DNAJB5: variants seen among roughly 807,000 people sequenced by gnomAD.
DNAJB5 encodes the protein dnaJ homolog subfamily B member 5.
Under a neutral mutation model 32.6 loss-of-function variants are expected in DNAJB5, and 12 were observed. That is an observed-to-expected ratio of 0.37 (90% CI 0.24 to 0.60). DNAJB5 has a LOEUF of 0.60. Ranked by LOEUF, DNAJB5 falls within the 20% of genes least tolerant of loss-of-function variation. The pLI, the probability that DNAJB5 is intolerant of heterozygous loss-of-function variation, is 0.71. For missense variants in DNAJB5, 358 were observed against 554.2 expected (o/e 0.65, Z 3.55); for synonymous variants, 188 against 212.9 (o/e 0.88, Z 1.02).
At chr9:34,991,658 G>A (rs1363434389) in intron 2 of DNAJB5, 3 of 89,178 alleles carry the variant, frequency 3.4e-5, no homozygotes, top group South Asian at 6.6e-5. Flanking sequence ...TGCCATTTCC[G>A]AAAACGGTTG....
At chr9:34,991,587 G>C in intron 2 of DNAJB5, 1 of 331,272 alleles carries the variant, frequency 3.0e-6, no homozygotes, top group Non-Finnish European at 6.2e-6. Flanking sequence ...GGGAAAGAAG[G>C]TGTGGGTTGA....
rs758155863 is a variant in DNAJB5 at position 34,997,445 on chromosome 9, G to A, written c.*186G>A. On this transcript the variant is annotated 3_prime_UTR_variant, in exon 5 of 5. Transcript: ENST00000682809. This position sits in a 1 kb window ranked among gnomAD's most constrained non-coding sequence, Gnocchi z 4.1. ...TTTAGAGCTGGGCTGCCTGGGGGGA[G>A]TGGGAGGGAGGTGGGGAGAGCTAGC... 4.1e-6 allele frequency: 3 copies of A among 734,778 alleles called. No individual in the cohort carries two copies. The South Asian group carries it at 4.4e-5, about 11-fold the overall frequency. 45.5% of individuals were successfully genotyped at this position (734,778 alleles called of 1,614,324 possible).
rs916909920 is a variant in DNAJB5 at position 34,992,825 on chromosome 9, A to G, written c.183-375A>G. 9 of 1,061,704 alleles carry G rather than the reference A, an allele frequency of 8.5e-6. No homozygotes were observed. In the African/African-American group the frequency reaches 1.3e-4, roughly 16 times the overall value. 65.8% of individuals were successfully genotyped at this position (1,061,704 alleles called of 1,614,324 possible). On this transcript the variant is annotated intron_variant, in intron 2 of 4. Transcript: ENST00000682809. ...ATGCTCAGGTGACCTCACCCGTTAC[A>G]CTGACCTTCGCCAGCTCCTGTGTGT...
intron 2 of DNAJB5, chr9:34,992,254 G>A (rs1049373934): frequency 2.0e-5 from 3 of 152,290 alleles, no homozygotes; most frequent in African/African-American, 7.2e-5. Context: ...AAGGGACTCA[G>A]AGGAATATGG....
At chr9:34,991,216 T>G in intron 2 of DNAJB5, 1 of 430,280 alleles carries the variant, frequency 2.3e-6, no homozygotes, top group Non-Finnish European at 4.7e-6. Context: ...TTCCTGCCTC[T>G]ACCTTAACAT....
chr9:34,990,524 G>A lies in DNAJB5; in HGVS notation c.-107G>A. ...GTCCGGCACCTGCTGCGCCAGACAG[G>A]CCTTGCTGGGCACGCGCCTCTGAGA... On this transcript the variant is annotated 5_prime_UTR_variant, in exon 2 of 5. Coordinates refer to ENST00000682809, the MANE Select transcript of DNAJB5 (RefSeq NM_001349723.3). The surrounding 1 kb of genome is among the most constrained non-coding windows in gnomAD (Gnocchi z 4.5). 6.5e-7 allele frequency: 1 copy of A among 1,544,036 alleles called. No individual in the cohort carries two copies. Among genetic ancestry groups the A allele is most frequent in the Non-Finnish European group, 8.7e-7 (1 of 1,146,714 alleles).
At chr9:34,992,834 C>T (rs945691104) in intron 2 of DNAJB5, 24 of 1,068,588 alleles carry the variant, frequency 2.2e-5, no homozygotes, top group Middle Eastern at 4.5e-4. Context: ...CACTGACCTT[C>T]GCCAGCTCCT....
intron 2 of DNAJB5, chr9:34,991,666 T>TTGCCCCCC (rs1827638963): frequency 1.2e-5 from 1 of 85,496 alleles, no homozygotes; most frequent in Admixed American, 2.4e-4. Context: ...CCGAAAACGG[T>TTGCCCCCC]TGCCCCCCCC....
In DNAJB5 at chr9:34,998,024, T is replaced by C. The variant is rs950845907; in HGVS notation, c.*765T>C. The C allele has an allele frequency of 1.3e-5, 2 of 152,974 alleles. No homozygotes were observed. The highest frequency in any genetic ancestry group is 4.8e-5 in the African/African-American group (2 of 41,398). 9.5% of individuals were successfully genotyped at this position (152,974 alleles called of 1,614,324 possible). On this transcript the variant is annotated 3_prime_UTR_variant, in exon 5 of 5. Coordinates refer to ENST00000682809, the MANE Select transcript of DNAJB5 (RefSeq NM_001349723.3). Reference sequence around the variant, plus strand: ...GCTAAGAGGTGGGGGACAGGGCCCATCTACCAGCCTTCATCAGGAAGGGAA... The same window carrying C: ...GCTAAGAGGTGGGGGACAGGGCCCACCTACCAGCCTTCATCAGGAAGGGAA...
In DNAJB5 at chr9:34,990,447, A is replaced by G; in HGVS notation, c.-132-52A>G. The G allele has an allele frequency of 1.3e-6, 2 of 1,534,254 alleles. No individual in the cohort carries two copies. Among genetic ancestry groups the G allele is most frequent in the Non-Finnish European group, 1.7e-6 (2 of 1,146,032 alleles). On this transcript the variant is annotated intron_variant, in intron 1 of 4. Transcript: ENST00000682809. This position sits in a 1 kb window ranked among gnomAD's most constrained non-coding sequence, Gnocchi z 4.5. The stretch of plus-strand genomic sequence containing the variant: ...AGCCAGCCAGACACTGCTGCACCTG[A>G]GAGCAGGTGGCCGCGGGTCTTCTCC...
At position 34,993,231 on chromosome 9, in the gene DNAJB5, G is replaced by T. The variant is rs746796425; in HGVS notation, c.214G>T (p.Val72Leu). The T allele has an allele frequency of 6.2e-7, 1 of 1,613,852 alleles. No homozygotes were observed. Among genetic ancestry groups the T allele is most frequent in the African/African-American group, 1.3e-5 (1 of 74,890 alleles). The change falls in exon 3 of 5, where the codon GTG (valine) becomes TTG (leucine). Residue 72 changes from valine (V) to leucine (L), a missense_variant. This residue lies in a region of DNAJB5 where 110 missense variants were observed against 111.7 expected (regional missense o/e 0.99). Coordinates refer to ENST00000682809, the MANE Select transcript of DNAJB5 (RefSeq NM_001349723.3). This position sits in a 1 kb window ranked among gnomAD's most constrained non-coding sequence, Gnocchi z 4.7. ...NKETSAGPVA[V>L]MGKDYYKILG... is the part of the protein sequence containing the mutation. ...GGAGACCAGTGCTGGTCCAGTGGCT[G>T]TGATGGGAAAAGATTATTACAAGAT...
At position 34,990,141 on chromosome 9, in the gene DNAJB5, C is replaced by A. The variant is rs571480449; in HGVS notation, c.-133+310C>A. 2.6e-6 allele frequency: 2 copies of A among 758,686 alleles called. No individual in the cohort carries two copies. Among genetic ancestry groups the A allele is most frequent in the African/African-American group, 3.6e-5 (2 of 56,304 alleles). 47.0% of individuals were successfully genotyped at this position (758,686 alleles called of 1,614,324 possible). A position where few individuals can be genotyped will look rare whatever the true frequency, so the allele number is the denominator to read the frequency against. ...AGCGCGGGTGACATCACCGACCACC[C>A]TCCCCCGCCCGAGCCCCCTCCCCTC... On this transcript the variant is annotated intron_variant, in intron 1 of 4. Transcript: ENST00000682809. This position sits in a 1 kb window ranked among gnomAD's most constrained non-coding sequence, Gnocchi z 4.5.
chr9:34,990,028 G>A lies in DNAJB5; in HGVS notation c.-133+197G>A, dbSNP rs1478472347. ...ACAGGGGGCAGCCAGCGTCTGAGTCGGGGAGGGGAGGGGAGGGGAGGGTCG... is the reference window on the plus strand; with the variant it reads ...ACAGGGGGCAGCCAGCGTCTGAGTCAGGGAGGGGAGGGGAGGGGAGGGTCG... On this transcript the variant is annotated intron_variant, in intron 1 of 4. Coordinates refer to ENST00000682809, the MANE Select transcript of DNAJB5 (RefSeq NM_001349723.3). The surrounding 1 kb of genome is among the most constrained non-coding windows in gnomAD (Gnocchi z 4.5). Among the ~76,000 whole-genome samples, 3 of 151,722 alleles carry A rather than the reference G, an allele frequency of 2.0e-5. No individual in the cohort carries two copies. The highest frequency in any genetic ancestry group is 6.6e-5 in the Admixed American group (1 of 15,246).
chr9:34,991,178 C>G (rs144529556), intron 2 of DNAJB5: 4 of 417,742 alleles, frequency 9.6e-6, no homozygotes, highest in Admixed American at 2.8e-5. Context: ...CTCAACAGTC[C>G]CCCTCGCCAT....
In DNAJB5 at chr9:34,993,255, A is replaced by G. The variant is rs1176733991; in HGVS notation, c.238A>G (p.Ile80Val). 1.2e-6 allele frequency: 2 copies of G among 1,614,140 alleles called. No homozygotes were observed. Residue 80 changes from isoleucine to valine, a missense_variant, in exon 3 of 5, where the codon ATT (isoleucine) becomes GTT (valine). Physicochemically the swap from Ile to Val is conservative, Grantham distance 29. Coordinates refer to ENST00000682809, the MANE Select transcript of DNAJB5 (RefSeq NM_001349723.3). This position sits in a 1 kb window ranked among gnomAD's most constrained non-coding sequence, Gnocchi z 4.7. Reference protein sequence around the residue: ...VAVMGKDYYKILGIPSGANED... With the variant: ...VAVMGKDYYKVLGIPSGANED... The stretch of plus-strand genomic sequence containing the variant: ...TGTGATGGGAAAAGATTATTACAAG[A>G]TTCTTGGGATCCCATCGGGGGCCAA...
Position 34,990,825 on chromosome 9 carries a change from G to C in DNAJB5, c.182+13G>C, listed in dbSNP as rs753370938. ...TTGTAAAGTTTCGGTAAGTCCCTCC[G>C]GAGAAGGGCACTCACACCCATACCC... is the stretch of plus-strand genomic sequence containing the variant. On this transcript the variant is annotated intron_variant, in intron 2 of 4. Transcript: ENST00000682809. The surrounding 1 kb of genome is among the most constrained non-coding windows in gnomAD (Gnocchi z 4.5). 1 of 1,544,312 alleles carries C rather than the reference G, an allele frequency of 6.5e-7. No individual in the cohort carries two copies. The highest frequency in any genetic ancestry group is 1.2e-5 in the South Asian group (1 of 82,628).
Position 34,996,153 on chromosome 9 carries a change from A to G in DNAJB5, c.428-112A>G. 1.4e-6 allele frequency: 2 copies of G among 1,412,954 alleles called. No individual in the cohort carries two copies. The highest frequency in any genetic ancestry group is 9.4e-7 in the Non-Finnish European group (1 of 1,060,962). The allele number at this position is 1,412,954 out of a possible 1,614,324, so 87.5% of individuals were successfully genotyped here. ...TAGCCTGGCCCTCTCTGTGGGATTTAAAGGTTGCTTCTTTCTTTAAGCCTG... is the reference window on the plus strand; with the variant it reads ...TAGCCTGGCCCTCTCTGTGGGATTTGAAGGTTGCTTCTTTCTTTAAGCCTG... On this transcript the variant is annotated intron_variant, in intron 3 of 4. Coordinates refer to ENST00000682809, the MANE Select transcript of DNAJB5 (RefSeq NM_001349723.3). This position sits in a 1 kb window ranked among gnomAD's most constrained non-coding sequence, Gnocchi z 7.2.
At position 34,993,322 on chromosome 9, in the gene DNAJB5, A is replaced by AGT. The variant is rs1827706014; in HGVS notation, c.306_307dup (p.Tyr103CysfsTer26). On this transcript the variant is annotated frameshift_variant, in exon 3 of 5. Coordinates refer to ENST00000682809, the MANE Select transcript of DNAJB5 (RefSeq NM_001349723.3). LOFTEE classifies it high-confidence loss of function. This position sits in a 1 kb window ranked among gnomAD's most constrained non-coding sequence, Gnocchi z 4.7. ...AAAGCCTACCGGAAGATGGCCTTGA[A>AGT]GTACCACCCAGACAAGAATAAAGAA... is the stretch of plus-strand genomic sequence containing the variant. The AGT allele has an allele frequency of 6.2e-7, 1 of 1,614,062 alleles. No individual in the cohort carries two copies. Among genetic ancestry groups the AGT allele is most frequent in the Admixed American group, 1.7e-5 (1 of 60,006 alleles).
At chr9:34,991,205 C>T (rs1255836052) in intron 2 of DNAJB5, 18 of 414,160 alleles carry the variant, frequency 4.3e-5, no homozygotes, top group South Asian at 2.7e-4. Flanking sequence ...CCCATTTTTC[C>T]TTCCTGCCTC....
Sources: allele counts gnomAD v4.1 joint callset (sites outside exome capture counted in the v4.1 genomes callset), GRCh38; gene constraint gnomAD v4.1.1; regional missense constraint gnomAD v4.1.1; non-coding constraint Gnocchi (gnomAD v3.1); transcripts MANE v1.5; gene names NCBI Gene and HGNC (gene_info 2026-07-23, HGNC 2026-07-21).